Variants in PIEZO2 observed in about 807,000 individuals in gnomAD.
The protein encoded by PIEZO2 is piezo type mechanosensitive ion channel component 2.
A neutral mutation model predicts 337.3 loss-of-function variants in PIEZO2; 172 were observed. The ratio of observed to expected loss-of-function variants is 0.51; its 90% confidence interval spans 0.45 to 0.58. The LOEUF is 0.58. Ranked by LOEUF, PIEZO2 falls within the 20% of genes least tolerant of loss-of-function variation. The pLI is 0.00. For synonymous variants in PIEZO2, 1,251 were observed against 1,228.5 expected (o/e 1.02, Z -0.38); for missense variants, 3,028 against 3,391.3 (o/e 0.89, Z 2.66).
intron 3 of PIEZO2, among the ~76,000 whole-genome samples, chr18:10,978,197 A>C (rs762710819): frequency 3.2e-4 from 49 of 152,188 alleles, no homozygotes; most frequent in Non-Finnish European, 5.9e-4. Flanking sequence ...ATAGCTGGGC[A>C]TGGTGGCAGG....
rs558845455 is a variant in PIEZO2 at position 11,112,220 on chromosome 18, C to A, written c.64+36305G>T. ...TTTTGTATCTACAGGATCAGATATT[C>A]GGATATTTGTAAAGATAACGGTGAC... On this transcript the variant is annotated intron_variant, in intron 1 of 55. Coordinates refer to ENST00000674853, the MANE Select transcript of PIEZO2 (RefSeq NM_001378183.1). This position sits in a 1 kb window ranked among gnomAD's most constrained non-coding sequence, Gnocchi z 4.3. 6.6e-6 allele frequency among the ~76,000 whole-genome samples: 1 copy of A among 152,098 alleles called. No individual in the cohort carries two copies. Among genetic ancestry groups the A allele is most frequent in the Non-Finnish European group, 1.5e-5 (1 of 68,022 alleles).
At chr18:10,843,604 C>T (rs1319611190) in intron 7 of PIEZO2, among the ~76,000 whole-genome samples, 1 of 152,164 alleles carries the variant, frequency 6.6e-6, no homozygotes, top group Admixed American at 6.5e-5. Flanking sequence ...TAATCTTTAT[C>T]CACTTCGTAT....
In PIEZO2 at chr18:10,773,530, C is replaced by T; in HGVS notation, c.2667G>A (p.Glu889=). The T allele has an allele frequency of 6.5e-7, 1 of 1,537,440 alleles. No homozygotes were observed. The highest frequency in any genetic ancestry group is 8.7e-7 in the Non-Finnish European group (1 of 1,146,970). Residue 889 remains glutamate (E), a synonymous_variant, in exon 20 of 56, where the codon GAG becomes GAA. Transcript: ENST00000674853. The surrounding 1 kb of genome is among the most constrained non-coding windows in gnomAD (Gnocchi z 5.3). The part of the protein sequence containing the change: ...PEVRKLAEPG[E]EKLEGYSEKA... ...TTTCAGAGTAGCCCTCAAGCTTCTC[C>T]TCCCCAGGCTCAGCCAACTTCCTCA...
rs2040923086 is a variant in PIEZO2 at position 10,833,753 on chromosome 18, T to C, written c.917+21600A>G. Among the ~76,000 whole-genome samples, 1 of 152,212 alleles carries C rather than the reference T, an allele frequency of 6.6e-6. No individual in the cohort carries two copies. The highest frequency in any genetic ancestry group is 2.4e-5 in the African/African-American group (1 of 41,458). On this transcript the variant is annotated intron_variant, in intron 7 of 55. Transcript: ENST00000674853. The surrounding 1 kb of genome is among the most constrained non-coding windows in gnomAD (Gnocchi z 4.7). ...CAGCTTTGGGTCAAATATGTGTTTG[T>C]TCCCCAGTTTGGAGCCTCAAGACTT...
intron 9 of PIEZO2, among the ~76,000 whole-genome samples, chr18:10,802,300 T>G (rs2039850673): frequency 6.6e-6 from 1 of 152,120 alleles, no homozygotes; most frequent in Admixed American, 6.5e-5. Flanking sequence ...AGGTCAGTAC[T>G]CATTTGCATT....
chr18:10,822,795 G>C (rs915273051), intron 7 of PIEZO2, among the ~76,000 whole-genome samples: 1 of 152,148 alleles, frequency 6.6e-6, no homozygotes, highest in African/African-American at 2.4e-5. Flanking sequence ...TTTCTAAAAG[G>C]GAGTATGAAC....
chr18:10,859,373 A>G lies in PIEZO2; in HGVS notation c.493-2162T>C, dbSNP rs531588477. On this transcript the variant is annotated intron_variant, in intron 5 of 55. Transcript: ENST00000674853. The surrounding 1 kb of genome is among the most constrained non-coding windows in gnomAD (Gnocchi z 4.9). ...CTACTGCTCCCAGAGAGGAGCTGCC[A>G]GCTCCAGCCAGTACATCAGACCACT... Among the ~76,000 whole-genome samples, 1 of 152,312 alleles carries G rather than the reference A, an allele frequency of 6.6e-6. No individual in the cohort carries two copies. The highest frequency in any genetic ancestry group is 2.1e-4 in the South Asian group (1 of 4,826).
Position 10,715,964 on chromosome 18 carries a change from C to T in PIEZO2, c.5090-148G>A, listed in dbSNP as rs897749439. 6.3e-5 allele frequency: 41 copies of T among 653,592 alleles called. No homozygotes were observed. The East Asian group carries it at 8.7e-4, about 14-fold the overall frequency. The allele number at this position is 653,592 out of a possible 1,614,324, so 40.5% of individuals were successfully genotyped here. ...ATGTGACTCAGATACTCATGACGCACGGAGGAGAGCTGCCATGCAGGAAGC... is the reference window on the plus strand; with the variant it reads ...ATGTGACTCAGATACTCATGACGCATGGAGGAGAGCTGCCATGCAGGAAGC... On this transcript the variant is annotated intron_variant, in intron 37 of 55. Coordinates refer to ENST00000674853, the MANE Select transcript of PIEZO2 (RefSeq NM_001378183.1).
rs891397801 is a variant in PIEZO2 at position 10,945,101 on chromosome 18, A to T, written c.287-33873T>A. On this transcript the variant is annotated intron_variant, in intron 3 of 55. Transcript: ENST00000674853. The surrounding 1 kb of genome is among the most constrained non-coding windows in gnomAD (Gnocchi z 4.0). ...GCAGCACAGAAGAAGGGCCCCGGAGATCTGTGAATTCAGCCAAGTAGTGAC... is the reference window on the plus strand; with the variant it reads ...GCAGCACAGAAGAAGGGCCCCGGAGTTCTGTGAATTCAGCCAAGTAGTGAC... 6.6e-6 allele frequency among the ~76,000 whole-genome samples: 1 copy of T among 152,270 alleles called. No individual in the cohort carries two copies. Among genetic ancestry groups the T allele is most frequent in the South Asian group, 2.1e-4 (1 of 4,812 alleles).
Position 10,705,608 on chromosome 18 carries a change from C to G in PIEZO2, c.5727G>C (p.Gly1909=), listed in dbSNP as rs1598380609. The G allele has an allele frequency of 2.1e-5, 32 of 1,537,076 alleles. No individual in the cohort carries two copies. The East Asian group carries it at 7.6e-4, about 36-fold the overall frequency. The change falls in exon 41 of 56, where the codon GGG becomes GGC. Residue 1909 remains glycine (G), a synonymous_variant. Coordinates refer to ENST00000674853, the MANE Select transcript of PIEZO2 (RefSeq NM_001378183.1). The part of the protein sequence containing the change: ...PREAKEYEAT[G]YDVGAMGAEE... ...CGGCACCCATGGCTCCCACATCGTA[C>G]CCAGTGGCCTCGTACTCCTTGGCCT...
intron 2 of PIEZO2, among the ~76,000 whole-genome samples, chr18:11,065,123 A>G (rs8086223): frequency 0.66 from 99,983 of 152,082 alleles, 33,440 homozygotes; most frequent in East Asian, 0.97. Context: ...ACTATGATGA[A>G]TGATCATAAC....
Position 10,980,880 on chromosome 18 carries a change from T to G in PIEZO2, c.161-1220A>C, listed in dbSNP as rs952446850. Among the ~76,000 whole-genome samples the G allele has an allele frequency of 6.6e-6, 1 of 152,148 alleles. No individual in the cohort carries two copies. The highest frequency in any genetic ancestry group is 2.4e-5 in the African/African-American group (1 of 41,422). On this transcript the variant is annotated intron_variant, in intron 2 of 55. Coordinates refer to ENST00000674853, the MANE Select transcript of PIEZO2 (RefSeq NM_001378183.1). This position sits in a 1 kb window ranked among gnomAD's most constrained non-coding sequence, Gnocchi z 4.8. ...TTACAGATGTCATGAAAGTCCATAA[T>G]CAAAGTGGTTAACTAAGGGAGACTA... is the stretch of plus-strand genomic sequence containing the variant.
rs183608268 is a variant in PIEZO2, at chr18:10,852,544, A to C, written c.917+2809T>G. Among the ~76,000 whole-genome samples, 3 of 152,356 alleles carry C rather than the reference A, an allele frequency of 2.0e-5. No homozygotes were observed. In the East Asian group the frequency reaches 5.8e-4, roughly 29 times the overall value. On this transcript the variant is annotated intron_variant, in intron 7 of 55. Coordinates refer to ENST00000674853, the MANE Select transcript of PIEZO2 (RefSeq NM_001378183.1). The stretch of plus-strand genomic sequence containing the variant: ...TTTACCACGGCCAAATTTTACACAT[A>C]AATCAATCAAAGCAAGGCCACTGGG...
At position 10,856,896 on chromosome 18, in the gene PIEZO2, G is replaced by A. The variant is rs2144702175; in HGVS notation, c.703+105C>T. On this transcript the variant is annotated intron_variant, in intron 6 of 55. Transcript: ENST00000674853. This position sits in a 1 kb window ranked among gnomAD's most constrained non-coding sequence, Gnocchi z 4.7. Reference sequence around the variant, plus strand: ...AGAGCTACAGTTATGATATTCATGTGGTGGAACAGACTGTTTCCTTCATTT... The same window carrying A: ...AGAGCTACAGTTATGATATTCATGTAGTGGAACAGACTGTTTCCTTCATTT... 5.8e-6 allele frequency: 6 copies of A among 1,030,768 alleles called. 1 individual carries two copies. The South Asian group carries it at 9.1e-5, about 16-fold the overall frequency. The allele number at this position is 1,030,768 out of a possible 1,614,324, so 63.9% of individuals were successfully genotyped here.
rs1188981859 is a variant in PIEZO2, at chr18:10,761,023, G to A, written c.3338C>T (p.Ala1113Val). The A allele has an allele frequency of 6.5e-7, 1 of 1,536,668 alleles. No individual in the cohort carries two copies. Among genetic ancestry groups the A allele is most frequent in the Non-Finnish European group, 8.7e-7 (1 of 1,146,364 alleles). ...ATGAAAGATAGTTCTAGACACAGGG[G>A]CCGTCAGGTTATTTCGACCTCGATA... is the stretch of plus-strand genomic sequence containing the variant. ...EYYRGRNNLT[A>V]PVSRTIFHDI... Residue 1113 changes from alanine to valine, a missense_variant, in exon 24 of 56, where the codon GCC becomes GTC. Physicochemically the swap from Ala to Val is moderately conservative, Grantham distance 64. Around this residue, in one of 5 missense-constraint regions of PIEZO2, gnomAD observed 1,925 missense variants for 2,051.9 expected, o/e 0.94. Transcript: ENST00000674853.
At chr18:10,678,015 G>T in intron 52 of PIEZO2, 140 bp from the exon 53 acceptor site, 1 of 797,306 alleles carries the variant, frequency 1.3e-6, no homozygotes, top group Non-Finnish European at 1.9e-6. Flanking sequence ...GACCCTTTCA[G>T]TCTACTTCAC....
rs1415856438 is a variant in PIEZO2 at position 10,988,810 on chromosome 18, C to T, written c.161-9150G>A. ...GACTAGACATGGAGGGAGGGCATTA[C>T]GTTAAGTGAAATAAGCTAGACACAA... On this transcript the variant is annotated intron_variant, in intron 2 of 55. Coordinates refer to ENST00000674853, the MANE Select transcript of PIEZO2 (RefSeq NM_001378183.1). This position sits in a 1 kb window ranked among gnomAD's most constrained non-coding sequence, Gnocchi z 4.8. Among the ~76,000 whole-genome samples the T allele has an allele frequency of 2.0e-5, 3 of 152,044 alleles. No homozygotes were observed. The highest frequency in any genetic ancestry group is 4.8e-5 in the African/African-American group (2 of 41,382).
rs115833601 is a variant in PIEZO2, at chr18:10,855,676, T to A, written c.704-110A>T. Reference sequence around the variant, plus strand: ...TGAATTTCCTTCAAGTGTTTTTAGGTTTTTTAAAATAGTAATTTTTAAAAA... The same window carrying A: ...TGAATTTCCTTCAAGTGTTTTTAGGATTTTTAAAATAGTAATTTTTAAAAA... On this transcript the variant is annotated intron_variant, in intron 6 of 55. Coordinates refer to ENST00000674853, the MANE Select transcript of PIEZO2 (RefSeq NM_001378183.1). This position sits in a 1 kb window ranked among gnomAD's most constrained non-coding sequence, Gnocchi z 4.9. 1 of 838,430 alleles carries A rather than the reference T, an allele frequency of 1.2e-6. No homozygotes were observed. The highest frequency in any genetic ancestry group is 1.8e-6 in the Non-Finnish European group (1 of 561,174). The allele number at this position is 838,430 out of a possible 1,614,324, so 51.9% of individuals were successfully genotyped here.
At position 10,903,983 on chromosome 18, in the gene PIEZO2, A is replaced by ACAG. The variant is rs1229726060; in HGVS notation, c.329+7200_329+7202dup. Among the ~76,000 whole-genome samples the ACAG allele has an allele frequency of 2.0e-5, 3 of 152,222 alleles. No individual in the cohort carries two copies. The highest frequency in any genetic ancestry group is 4.4e-5 in the Non-Finnish European group (3 of 68,038). On this transcript the variant is annotated intron_variant, in intron 4 of 55. Coordinates refer to ENST00000674853, the MANE Select transcript of PIEZO2 (RefSeq NM_001378183.1). The surrounding 1 kb of genome is among the most constrained non-coding windows in gnomAD (Gnocchi z 4.1). ...ATATCATTAGAATAGCACCTGGTACACAGCAGCAGCAGCTGCTCCAAAAAC... is the reference window on the plus strand; with the variant it reads ...ATATCATTAGAATAGCACCTGGTACACAGCAGCAGCAGCAGCTGCTCCAAAAAC...
Sources: allele counts gnomAD v4.1 joint callset (sites outside exome capture counted in the v4.1 genomes callset), GRCh38; gene constraint gnomAD v4.1.1; regional missense constraint gnomAD v4.1.1; non-coding constraint Gnocchi (gnomAD v3.1); transcripts MANE v1.5; gene names NCBI Gene and HGNC (gene_info 2026-07-23, HGNC 2026-07-21).